BAG4: variants seen among roughly 807,000 people sequenced by gnomAD.
The protein encoded by BAG4 is BAG cochaperone 4, also known as BAG family molecular chaperone regulator 4.
A neutral mutation model predicts 52.1 loss-of-function variants in BAG4; 28 were observed. The observed-to-expected ratio is 0.54, with a 90% CI of 0.40 to 0.74. BAG4 has a LOEUF of 0.74. Among genes scored for constraint, BAG4 ranks in the 30% least tolerant of loss-of-function variants. The pLI is 0.00. For missense variants in BAG4, 525 were observed against 572.0 expected, an observed-to-expected ratio of 0.92 and a Z score of 0.84; for synonymous variants, 208 against 217.0, an observed-to-expected ratio of 0.96 and a Z score of 0.37.
chr8:38,185,368 T>G (rs1442747557), intron 1 of BAG4, among the ~76,000 whole-genome samples: 1 of 152,184 alleles, frequency 6.6e-6, no homozygotes, highest in Non-Finnish European at 1.5e-5. Flanking sequence ...ATTCCTAACT[T>G]AATTACAAAT....
chr8:38,201,772 T>C (rs972383439), intron 2 of BAG4: 1 of 141,174 alleles, frequency 7.1e-6, no homozygotes, highest in African/African-American at 2.6e-5. Flanking sequence ...AAATTCTCAT[T>C]CAAAAGTAGC....
At chr8:38,202,015 T>C (rs576670195) in intron 2 of BAG4, 2 of 150,172 alleles carry the variant, frequency 1.3e-5, no homozygotes, top group South Asian at 2.1e-4. Flanking sequence ...GGGCAGCATT[T>C]GAACTAAAGC....
intron 2 of BAG4, among the ~76,000 whole-genome samples, chr8:38,198,373 G>C (rs1378634943): frequency 7.6e-6 from 1 of 131,634 alleles, no homozygotes; most frequent in Non-Finnish European, 1.6e-5. Context: ...AACAGAGCGA[G>C]ACTCCCATCT....
intron 1 of BAG4, among the ~76,000 whole-genome samples, chr8:38,183,162 A>G (rs1803302541): frequency 6.7e-6 from 1 of 148,834 alleles, no homozygotes; most frequent in African/African-American, 2.5e-5. Flanking sequence ...CTCCCACTTC[A>G]GCCTCCTGAG....
chr8:38,194,920 C>T (rs1423878441), intron 2 of BAG4, among the ~76,000 whole-genome samples: 4 of 131,756 alleles, frequency 3.0e-5, no homozygotes, highest in Non-Finnish European at 6.4e-5. Context: ...AGTGGCGCGA[C>T]CTCGGCTCAC....
chr8:38,183,654 C>G (rs560046551), intron 1 of BAG4, among the ~76,000 whole-genome samples: 55 of 152,192 alleles, frequency 3.6e-4, no homozygotes, highest in African/African-American at 1.2e-3. Flanking sequence ...TTCTTGGCTT[C>G]TGATTCCTTT....
intron 2 of BAG4, among the ~76,000 whole-genome samples, chr8:38,200,278 A>G (rs1206189899): frequency 6.6e-6 from 1 of 152,170 alleles, no homozygotes; most frequent in African/African-American, 2.4e-5. Flanking sequence ...AAGTGCTGGA[A>G]TTACAGGCAT....
intron 1 of BAG4, among the ~76,000 whole-genome samples, chr8:38,180,935 A>G (rs1211907271): frequency 6.7e-6 from 1 of 149,864 alleles, no homozygotes; most frequent in Non-Finnish European, 1.5e-5. Flanking sequence ...TTAGAAATCT[A>G]TCACTATTTT....
chr8:38,207,794 T>C (rs751318744), intron 3 of BAG4, 28 bp downstream of exon 3: 1 of 1,611,618 alleles, frequency 6.2e-7, no homozygotes, highest in East Asian at 2.2e-5. Context: ...GGGAAAAAAA[T>C]GAATTCAAAG....
At chr8:38,192,555 T>C (rs1371206024) in intron 1 of BAG4, 133 bp from the exon 2 acceptor site, 2 of 638,088 alleles carry the variant, frequency 3.1e-6, no homozygotes, top group Non-Finnish European at 5.0e-6. Context: ...AAGAAGCGTG[T>C]GCCACTGTGC....
chr8:38,202,612 C>T (rs1285637379), intron 2 of BAG4, among the ~76,000 whole-genome samples: 3 of 150,552 alleles, frequency 2.0e-5, no homozygotes, highest in African/African-American at 7.3e-5. Flanking sequence ...ATGATCACAG[C>T]TCACTGCAGC....
At chr8:38,183,540 G>A (rs1367540164) in intron 1 of BAG4, among the ~76,000 whole-genome samples, 1 of 152,112 alleles carries the variant, frequency 6.6e-6, no homozygotes, top group Non-Finnish European at 1.5e-5. Flanking sequence ...GAAAGCATAA[G>A]GACACTTTTT....
intron 1 of BAG4, among the ~76,000 whole-genome samples, chr8:38,188,628 TATATATACATATATAC>T (rs1344054660): frequency 6.8e-6 from 1 of 147,892 alleles, no homozygotes; most frequent in Non-Finnish European, 1.5e-5. Flanking sequence ...CATGTACACA[TATATATACATATATAC>T]ATGTATACAT....
chr8:38,198,650 G>A (rs201621680), intron 2 of BAG4, among the ~76,000 whole-genome samples: 11 of 151,222 alleles, frequency 7.3e-5, no homozygotes, highest in South Asian at 2.1e-4. Context: ...CACCACGCCC[G>A]GCTAATTTTT....
rs748912076 is a variant in BAG4, at chr8:38,210,103, C to A, written c.984C>A (p.Asn328Lys). The change falls in exon 5 of 5, where the codon AAC becomes AAA. Residue 328 changes from asparagine (N) to lysine (K), a missense_variant. Asn to Lys is a moderately conservative substitution (Grantham distance 94). Coordinates refer to ENST00000287322, the MANE Select transcript of BAG4 (RefSeq NM_004874.4). ...VHQYESSGTV[N>K]NDDSDLLDSQ... ...AGTACGAATCCTCGGGGACAGTGAACAATGATGATTCAGATCTTTTGGATT... is the reference window on the plus strand; with the variant it reads ...AGTACGAATCCTCGGGGACAGTGAAAAATGATGATTCAGATCTTTTGGATT... 7 of 1,614,124 alleles carry A rather than the reference C, an allele frequency of 4.3e-6. No individual in the cohort carries two copies. Among genetic ancestry groups the A allele is most frequent in the Non-Finnish European group, 5.1e-6 (6 of 1,180,044 alleles).
At chr8:38,183,188 G>T (rs888956554) in intron 1 of BAG4, among the ~76,000 whole-genome samples, 2 of 151,840 alleles carry the variant, frequency 1.3e-5, no homozygotes, top group African/African-American at 4.8e-5. Context: ...GGGACCACAG[G>T]CGTCCGCCAG....
rs530907353 is a variant in BAG4 at position 38,190,555 on chromosome 8, C to G, written c.271-2133C>G. ...CCTCTGCCTCTCACCTCTCAGCCTC[C>G]TGAGTAGCTGGGACTATAGGCACCC... is the stretch of plus-strand genomic sequence containing the variant. On this transcript the variant is annotated intron_variant, in intron 1 of 4. Coordinates refer to ENST00000287322, the MANE Select transcript of BAG4 (RefSeq NM_004874.4). 2.1e-3 allele frequency among the ~76,000 whole-genome samples: 318 copies of G among 151,338 alleles called. 2 individuals carry two copies. The highest frequency in any genetic ancestry group is 7.3e-3 in the African/African-American group (299 of 41,194).
At chr8:38,184,024 A>G (rs1340664086) in intron 1 of BAG4, among the ~76,000 whole-genome samples, 1 of 152,220 alleles carries the variant, frequency 6.6e-6, no homozygotes, top group Non-Finnish European at 1.5e-5. Context: ...TTAGAATTTG[A>G]TTTAGGAAAT....
chr8:38,208,631 T>A (rs757155400), intron 3 of BAG4, among the ~76,000 whole-genome samples: 2 of 152,146 alleles, frequency 1.3e-5, no homozygotes, highest in Non-Finnish European at 2.9e-5. Flanking sequence ...TTTTTTAATA[T>A]TCTGTGAATA....
Sources: allele counts gnomAD v4.1 joint callset (sites outside exome capture counted in the v4.1 genomes callset), GRCh38; gene constraint gnomAD v4.1.1; transcripts MANE v1.5; gene names NCBI Gene and HGNC (gene_info 2026-07-23, HGNC 2026-07-21).